Variants in SNX29 observed in about 807,000 individuals in gnomAD.
The protein encoded by SNX29 is sorting nexin-29.
Under a neutral mutation model 102.1 loss-of-function variants are expected in SNX29, and 78 were observed. The observed-to-expected ratio is 0.76, with a 90% CI of 0.64 to 0.92. The LOEUF is 0.92. SNX29 is among the 40% of genes least tolerant of loss of function. The pLI, the probability that SNX29 is intolerant of heterozygous loss-of-function variation, is 0.00. For missense variants in SNX29, 1,280 were observed against 1,061.7 expected (o/e 1.21, Z -2.86); for synonymous variants, 580 against 414.5 (o/e 1.40, Z -4.85).
intron 11 of SNX29, chr16:12,089,990 A>G (rs964982381): frequency 9.3e-5 from 18 of 192,942 alleles, no homozygotes; most frequent in Non-Finnish European, 1.9e-4. Context: ...GTGCCCTAAC[A>G]CCCGTGAGTC....
At chr16:12,381,747 C>T (rs1331955956) in intron 16 of SNX29, among the ~76,000 whole-genome samples, 1 of 96,376 alleles carries the variant, frequency 1.0e-5, no homozygotes, top group Non-Finnish European at 2.1e-5. Context: ...CCCACCCCAC[C>T]CATCATCCAT....
At chr16:12,125,971 T>G (rs1373456160) in intron 11 of SNX29, among the ~76,000 whole-genome samples, 1 of 152,204 alleles carries the variant, frequency 6.6e-6, no homozygotes, top group African/African-American at 2.4e-5. Context: ...CATCGCTGTC[T>G]GGGGCTGATT....
intron 15 of SNX29, among the ~76,000 whole-genome samples, chr16:12,355,453 T>G (rs1443160466): frequency 6.6e-6 from 1 of 152,136 alleles, no homozygotes; most frequent in South Asian, 2.1e-4. Flanking sequence ...GGGTGATCTC[T>G]TGGGAAGGTT....
At chr16:12,292,110 C>A (rs558511822) in intron 15 of SNX29, among the ~76,000 whole-genome samples, 6 of 152,082 alleles carry the variant, frequency 3.9e-5, no homozygotes, top group Non-Finnish European at 7.4e-5. Context: ...ATGTTCATTT[C>A]GAAGCTGGGC....
chr16:12,047,651 CTT>C lies in SNX29; in HGVS notation c.500-699_500-698del, dbSNP rs376623418. ...AGATGCTAAGTTGCTGGACCAAGGT[CTT>C]TTTTTTTTTTTTTTTTTTTTTGAGA... On this transcript the variant is annotated intron_variant, in intron 6 of 20. Coordinates refer to ENST00000566228, the MANE Select transcript of SNX29 (RefSeq NM_032167.5). Among the ~76,000 whole-genome samples, 16 of 126,626 alleles carry C rather than the reference CTT, an allele frequency of 1.3e-4. No individual in the cohort carries two copies. The South Asian group carries it at 2.8e-3, about 22-fold the overall frequency. The allele number at this position is 126,626 out of a possible 152,430, so 83.1% of individuals were successfully genotyped here.
chr16:12,430,043 G>T (rs1268983086), intron 18 of SNX29, among the ~76,000 whole-genome samples: 3 of 152,194 alleles, frequency 2.0e-5, no homozygotes, highest in African/African-American at 7.2e-5. Flanking sequence ...CCTGAGCTCC[G>T]CCTCCTGTCA....
chr16:12,487,558 C>T (rs890857604), intron 19 of SNX29, among the ~76,000 whole-genome samples: 11 of 152,176 alleles, frequency 7.2e-5, no homozygotes, highest in African/African-American at 1.4e-4. Context: ...CGCCGCACCA[C>T]CCAGCCCTCC....
In SNX29 at chr16:12,377,631, A is replaced by G. The variant is rs562258166; in HGVS notation, c.1900-20815A>G. 3.9e-5 allele frequency among the ~76,000 whole-genome samples: 6 copies of G among 152,288 alleles called. No individual in the cohort carries two copies. In the South Asian group the frequency reaches 1.2e-3, roughly 32 times the overall value. Reference sequence around the variant, plus strand: ...AGATGCAGAGATGTGTGCGCCCGGTACGTAGTAGGCAATCAACAGATAGTA... The same window carrying G: ...AGATGCAGAGATGTGTGCGCCCGGTGCGTAGTAGGCAATCAACAGATAGTA... On this transcript the variant is annotated intron_variant, in intron 16 of 20. Coordinates refer to ENST00000566228, the MANE Select transcript of SNX29 (RefSeq NM_032167.5).
intron 20 of SNX29, among the ~76,000 whole-genome samples, chr16:12,551,780 T>G (rs1250281093): frequency 1.3e-5 from 2 of 152,186 alleles, no homozygotes; most frequent in African/African-American, 4.8e-5. Context: ...GGGGCCCGCT[T>G]CAGAAGCACA....
intron 20 of SNX29, among the ~76,000 whole-genome samples, chr16:12,530,945 G>A (rs76945760): frequency 6.6e-6 from 1 of 152,138 alleles, no homozygotes. Flanking sequence ...TTTCACCCTT[G>A]CTCTACTTGA....
chr16:12,297,675 CT>C (rs2080027972), intron 15 of SNX29, among the ~76,000 whole-genome samples: 1 of 152,154 alleles, frequency 6.6e-6, no homozygotes, highest in South Asian at 2.1e-4. Flanking sequence ...TGTACACATA[CT>C]TCAGATCATT....
intron 11 of SNX29, chr16:12,090,448 G>A (rs2052469200): frequency 6.6e-6 from 1 of 152,236 alleles, no homozygotes; most frequent in African/African-American, 2.4e-5. Context: ...GGTAGGTGGT[G>A]GCGTTGCTCC....
At chr16:12,535,837 C>G (rs1460083994) in intron 20 of SNX29, among the ~76,000 whole-genome samples, 1 of 152,196 alleles carries the variant, frequency 6.6e-6, no homozygotes, top group African/African-American at 2.4e-5. Context: ...CCTCTCAGTG[C>G]TTAGATCGGC....
At chr16:12,381,030 CCCACCATCCAT>C (rs1200215631) in intron 16 of SNX29, among the ~76,000 whole-genome samples, 1 of 96,328 alleles carries the variant, frequency 1.0e-5, no homozygotes, top group African/African-American at 4.2e-5. Flanking sequence ...CATCCACCCA[CCCACCATCCAT>C]CCACCCACCT....
At position 12,572,927 on chromosome 16, in the gene SNX29, T is replaced by G; in HGVS notation, c.*4298T>G. ...AATCACGGCAGACTTGGAGTGTTTC[T>G]TCAAGGCAGGCATCTGCTTATGAGC... On this transcript the variant is annotated 3_prime_UTR_variant, in exon 21 of 21. Coordinates refer to ENST00000566228, the MANE Select transcript of SNX29 (RefSeq NM_032167.5). 2 of 926,328 alleles carry G rather than the reference T, an allele frequency of 2.2e-6. No individual in the cohort carries two copies. The highest frequency in any genetic ancestry group is 2.7e-6 in the Non-Finnish European group (2 of 753,166). 57.4% of individuals were successfully genotyped at this position (926,328 alleles called of 1,614,324 possible). A position where few individuals can be genotyped will look rare whatever the true frequency, so the allele number is the denominator to read the frequency against.
intron 1 of SNX29, among the ~76,000 whole-genome samples, chr16:11,995,696 G>A (rs1269228202): frequency 6.6e-6 from 1 of 151,848 alleles, no homozygotes; most frequent in Non-Finnish European, 1.5e-5. Context: ...TACCAGGAAG[G>A]GTAGGTGCTA....
rs576040518 is a variant in SNX29, at chr16:12,429,450, T to C, written c.2037+25921T>C. Among the ~76,000 whole-genome samples the C allele has an allele frequency of 1.3e-4, 20 of 152,332 alleles. No homozygotes were observed. In the South Asian group the frequency reaches 3.9e-3, roughly 30 times the overall value. On this transcript the variant is annotated intron_variant, in intron 18 of 20. Coordinates refer to ENST00000566228, the MANE Select transcript of SNX29 (RefSeq NM_032167.5). ...TCTTTTTCCTCTAAGAGACAGTGTC[T>C]CATTCTGTCACCCAGACTGGAGTGC... is the stretch of plus-strand genomic sequence containing the variant.
chr16:12,118,442 C>T (rs1351786077), intron 11 of SNX29, among the ~76,000 whole-genome samples: 1 of 151,180 alleles, frequency 6.6e-6, no homozygotes, highest in Non-Finnish European at 1.5e-5. Flanking sequence ...GCCTCAGCCT[C>T]CCGAGTAGCT....
intron 20 of SNX29, among the ~76,000 whole-genome samples, chr16:12,540,243 C>T (rs2077268461): frequency 6.6e-6 from 1 of 152,262 alleles, no homozygotes; most frequent in South Asian, 2.1e-4. Flanking sequence ...GACCCGCTCC[C>T]CCCACCCCCA....
Sources: gnomAD v4.1 joint callset for allele counts (sites outside exome capture counted in the v4.1 genomes callset) on GRCh38, gnomAD v4.1.1 for gene constraint, MANE v1.5 for transcripts, NCBI Gene and HGNC (gene_info 2026-07-23, HGNC 2026-07-21) for gene names.